Variants in DGKI observed in about 807,000 individuals in gnomAD.
DGKI encodes the protein diacylglycerol kinase iota.
In DGKI, 55 loss-of-function variants were observed where a neutral mutation model predicts 147.5. The ratio of observed to expected loss-of-function variants is 0.37; its 90% CI spans 0.30 to 0.47. The LOEUF is 0.47. Among genes scored for constraint, DGKI ranks in the 20% least tolerant of loss-of-function variants. The pLI is 1.00. For synonymous variants in DGKI, 469 were observed against 477.1 expected (o/e 0.98, Z 0.22); for missense variants, 1,007 against 1,323.8 (o/e 0.76, Z 3.71).
chr7:137,697,181 C>T (rs1823819636), intron 1 of DGKI, among the ~76,000 whole-genome samples: 1 of 152,184 alleles, frequency 6.6e-6, no homozygotes, highest in African/African-American at 2.4e-5. Context: ...CTAGCAAATA[C>T]ACATACTTCA....
chr7:137,486,113 T>G (rs1815547660), intron 22 of DGKI, among the ~76,000 whole-genome samples: 1 of 152,140 alleles, frequency 6.6e-6, no homozygotes, highest in Non-Finnish European at 1.5e-5. Context: ...CTGGGTACCT[T>G]TGTCCTTACA....
At chr7:137,725,578 TA>T (rs34823233) in intron 1 of DGKI, among the ~76,000 whole-genome samples, 2 of 144,836 alleles carry the variant, frequency 1.4e-5, no homozygotes, top group African/African-American at 5.4e-5. Context: ...CAAATCACTT[TA>T]AAAAAAGGTA....
chr7:137,456,579 G>C (rs992085758), intron 27 of DGKI, among the ~76,000 whole-genome samples: 1 of 152,136 alleles, frequency 6.6e-6, no homozygotes, highest in African/African-American at 2.4e-5. Flanking sequence ...GCTTTAAAGA[G>C]GGATCCAATC....
At chr7:137,654,136 C>T (rs553753027) in intron 5 of DGKI, among the ~76,000 whole-genome samples, 114 of 152,342 alleles carry the variant, frequency 7.5e-4, no homozygotes, top group African/African-American at 2.7e-3. Context: ...TTTATCTTCA[C>T]GACCAGACTG....
At chr7:137,443,876 T>C (rs1402400442) in intron 28 of DGKI, among the ~76,000 whole-genome samples, 1 of 152,102 alleles carries the variant, frequency 6.6e-6, no homozygotes, top group African/African-American at 2.4e-5. Context: ...ACCAGACGGG[T>C]TGGAACAGAT....
At chr7:137,595,174 C>T (rs922716436) in intron 12 of DGKI, among the ~76,000 whole-genome samples, 2 of 152,206 alleles carry the variant, frequency 1.3e-5, no homozygotes, top group South Asian at 4.1e-4. Context: ...GTTATGCTAT[C>T]ATTAATGAAG....
chr7:137,483,652 T>G (rs1176470828), intron 23 of DGKI, among the ~76,000 whole-genome samples: 1 of 152,070 alleles, frequency 6.6e-6, no homozygotes, highest in Non-Finnish European at 1.5e-5. Context: ...TGTGTCCATG[T>G]GTTCTCATTG....
At chr7:137,828,933 A>C (rs76147906) in intron 1 of DGKI, among the ~76,000 whole-genome samples, 9,668 of 152,324 alleles carry the variant, frequency 0.063, 363 homozygotes, top group African/African-American at 0.11. Context: ...CATAACCTGA[A>C]GCTACACATC....
chr7:137,570,726 G>GA (rs1818765184), intron 19 of DGKI, among the ~76,000 whole-genome samples: 2 of 152,110 alleles, frequency 1.3e-5, no homozygotes, highest in Non-Finnish European at 2.9e-5. Flanking sequence ...CAAGTAGCTG[G>GA]AATTACAGGC....
At chr7:137,477,209 T>C (rs1815199287) in intron 23 of DGKI, among the ~76,000 whole-genome samples, 1 of 152,152 alleles carries the variant, frequency 6.6e-6, no homozygotes, top group South Asian at 2.1e-4. Context: ...CACAGAAATA[T>C]GGTAATCAAT....
At chr7:137,826,544 C>G (rs1174488395) in intron 1 of DGKI, among the ~76,000 whole-genome samples, 1 of 152,170 alleles carries the variant, frequency 6.6e-6, no homozygotes, top group Non-Finnish European at 1.5e-5. Context: ...GTAACACAGC[C>G]CTCTGACAGT....
chr7:137,672,766 C>CCTT (rs1374893677), intron 3 of DGKI, among the ~76,000 whole-genome samples: 3 of 65,664 alleles, frequency 4.6e-5, no homozygotes, highest in African/African-American at 2.2e-4. Flanking sequence ...CTCTGTGTGT[C>CCTT]TTTTTTTTTT....
intron 1 of DGKI, among the ~76,000 whole-genome samples, chr7:137,718,569 A>G (rs1324156513): frequency 6.6e-6 from 1 of 152,256 alleles, no homozygotes; most frequent in East Asian, 1.9e-4. Flanking sequence ...CTCCAGGCTC[A>G]GTGGCACTGC....
rs572440559 is a variant in DGKI, at chr7:137,449,587, G to A, written c.2736-5485C>T. Among the ~76,000 whole-genome samples the A allele has an allele frequency of 8.5e-5, 13 of 152,208 alleles. No individual in the cohort carries two copies. The South Asian group carries it at 2.1e-3, about 24-fold the overall frequency. On this transcript the variant is annotated intron_variant, in intron 27 of 32. Coordinates refer to ENST00000614521, the MANE Select transcript of DGKI (RefSeq NM_001321708.2). Reference sequence around the variant, plus strand: ...ATCGGTCTGGGCAATGATTATTTTGGACATGACCTCAAAAGTACAGGCAAC... The same window carrying A: ...ATCGGTCTGGGCAATGATTATTTTGAACATGACCTCAAAAGTACAGGCAAC...
At chr7:137,596,797 C>G (rs940570527) in intron 12 of DGKI, among the ~76,000 whole-genome samples, 2 of 152,122 alleles carry the variant, frequency 1.3e-5, no homozygotes, top group African/African-American at 4.8e-5. Context: ...TAATGTGTAT[C>G]CAACCCTACA....
At chr7:137,598,291 T>C (rs1303958788) in intron 11 of DGKI, among the ~76,000 whole-genome samples, 1 of 152,210 alleles carries the variant, frequency 6.6e-6, no homozygotes, top group African/African-American at 2.4e-5. Context: ...TAATTGATAA[T>C]CAGTAGTCCT....
intron 28 of DGKI, among the ~76,000 whole-genome samples, chr7:137,418,694 C>T (rs991548916): frequency 2.6e-5 from 4 of 151,598 alleles, no homozygotes; most frequent in Non-Finnish European, 5.9e-5. Context: ...TGTTGTCTGC[C>T]CATAGTAGCA....
At chr7:137,439,644 CA>C (rs1813418394) in intron 28 of DGKI, among the ~76,000 whole-genome samples, 1 of 152,196 alleles carries the variant, frequency 6.6e-6, no homozygotes, top group South Asian at 2.1e-4. Context: ...CAAACCATAT[CA>C]GTAACCTACT....
chr7:137,549,021 C>T (rs1817958056), intron 20 of DGKI, among the ~76,000 whole-genome samples: 3 of 151,976 alleles, frequency 2.0e-5, no homozygotes, highest in Non-Finnish European at 2.9e-5. Context: ...TTCTTTACAG[C>T]AATGCAAAAA....
Sources: gnomAD v4.1 joint callset for allele counts (sites outside exome capture counted in the v4.1 genomes callset) on GRCh38, gnomAD v4.1.1 for gene constraint, MANE v1.5 for transcripts, NCBI Gene and HGNC (gene_info 2026-07-23, HGNC 2026-07-21) for gene names.